The following SON variants were observed in gnomAD, a reference collection of about 807,000 sequenced individuals.
The protein encoded by SON is SON DNA and RNA binding protein.
A neutral mutation model predicts 173.3 loss-of-function variants in SON; 4 were observed. The ratio of observed to expected loss-of-function variants is 0.02; its 90% CI spans 0.01 to 0.05. The LOEUF (loss-of-function observed/expected upper bound fraction) is 0.05, where lower values mean the gene tolerates loss of function less well. Among genes scored for constraint, SON ranks in the 10% least tolerant of loss-of-function variants. The pLI is 1.00. For missense variants in SON, 2,626 were observed against 3,055.3 expected (o/e 0.86, Z 3.31); for synonymous variants, 1,190 against 1,105.9 (o/e 1.08, Z -1.51).
Position 33,550,465 on chromosome 21 carries a change from C to G in SON, c.1234C>G (p.Pro412Ala). ...GGAGTTACCTGGGCCCTCTGCTACCCCGGTGCCAGAGTTGCCAGGGCCCCT... is the reference window on the plus strand; with the variant it reads ...GGAGTTACCTGGGCCCTCTGCTACCGCGGTGCCAGAGTTGCCAGGGCCCCT... ...VLELPGPSAT[P>A]VPELPGPLST... The change falls in exon 3 of 12, where the codon CCG (proline) becomes GCG (alanine). Residue 412 changes from proline (P) to alanine (A), a missense_variant. Coordinates refer to ENST00000356577, the MANE Select transcript of SON (RefSeq NM_138927.4). The G allele has an allele frequency of 6.2e-7, 1 of 1,613,938 alleles. No individual in the cohort carries two copies. The highest frequency in any genetic ancestry group is 8.5e-7 in the Non-Finnish European group (1 of 1,179,984).
At chr21:33,543,413 A>T in intron 1 of SON, 1 of 561,080 alleles carries the variant, frequency 1.8e-6, no homozygotes, top group Non-Finnish European at 3.2e-6. Context: ...AACCGAGTTA[A>T]GATGTTCACC....
intron 6 of SON, chr21:33,560,628 C>T (rs937779084): frequency 1.5e-5 from 14 of 946,834 alleles, no homozygotes; most frequent in Non-Finnish European, 1.8e-5. Context: ...GTATCTGTAC[C>T]TTTGCTGTAT....
rs2086330592 is a variant in SON at position 33,573,418 on chromosome 21, G to A, written c.6996G>A (p.Lys2332=). Residue 2332 remains lysine, a synonymous_variant, in exon 9 of 12, where the codon AAG becomes AAA. Coordinates refer to ENST00000356577, the MANE Select transcript of SON (RefSeq NM_138927.4). ...EGLGKNKEGN[K]EPILVDFKTD... ...TAGGAAAAAACAAAGAAGGCAATAA[G>A]GAACCCATCCTAGTTGATTTTAAGA... The A allele has an allele frequency of 6.2e-7, 1 of 1,613,418 alleles. No individual in the cohort carries two copies.
intron 1 of SON, chr21:33,543,429 C>CAA (rs1190750281): frequency 1.9e-6 from 1 of 519,080 alleles, no homozygotes; most frequent in Admixed American, 3.3e-5. Context: ...TCACCCTTCT[C>CAA]CCCTGTTTGG....
rs1292937118 is a variant in SON, at chr21:33,551,216, C to T, written c.1985C>T (p.Ser662Leu). Reference protein sequence around the residue: ...EISVQSVVTTSELSTMTVSQS... With the variant: ...EISVQSVVTTLELSTMTVSQS... ...TCTGTTCAGTCTGTGGTGACAACATCGGAGCTGTCAACGATGACCGTGTCG... is the reference window on the plus strand; with the variant it reads ...TCTGTTCAGTCTGTGGTGACAACATTGGAGCTGTCAACGATGACCGTGTCG... Residue 662 changes from serine (S) to leucine (L), a missense_variant, in exon 3 of 12, where the codon TCG becomes TTG. Coordinates refer to ENST00000356577, the MANE Select transcript of SON (RefSeq NM_138927.4). 1.2e-6 allele frequency: 2 copies of T among 1,613,950 alleles called. No homozygotes were observed. Among genetic ancestry groups the T allele is most frequent in the Non-Finnish European group, 1.7e-6 (2 of 1,179,986 alleles).
Position 33,554,199 on chromosome 21 carries a change from A to G in SON, c.4968A>G (p.Glu1656=), listed in dbSNP as rs1460647839. 1 of 1,614,160 alleles carries G rather than the reference A, an allele frequency of 6.2e-7. No homozygotes were observed. Among genetic ancestry groups the G allele is most frequent in the East Asian group, 2.2e-5 (1 of 44,884 alleles). The part of the protein sequence containing the change: ...SPSGGSEADI[E]GPLPAKDIHL... ...GTGGTGGTAGTGAAGCTGACATTGA[A>G]GGGCCTTTGCCTGCTAAAGATATTC... Residue 1656 remains glutamate, a synonymous_variant, in exon 3 of 12, where the codon GAA becomes GAG. Coordinates refer to ENST00000356577, the MANE Select transcript of SON (RefSeq NM_138927.4).
At chr21:33,560,213 T>C (rs2086045457) in intron 6 of SON, 7 of 1,533,376 alleles carry the variant, frequency 4.6e-6, no homozygotes, top group Non-Finnish European at 8.7e-7. Context: ...AAGGTCATTG[T>C]AGGTTGATGT....
At position 33,551,647 on chromosome 21, in the gene SON, T is replaced by C. The variant is rs2085792022; in HGVS notation, c.2416T>C (p.Leu806=). The C allele has an allele frequency of 1.2e-6, 2 of 1,612,036 alleles. No individual in the cohort carries two copies. Among genetic ancestry groups the C allele is most frequent in the South Asian group, 2.2e-5 (2 of 90,944 alleles). The part of the protein sequence containing the change: ...LATSSMDSQM[L]ATSSMDSQML... ...AACCAGTTCCATGGACTCCCAGATG[T>C]TAGCAACCAGCTCCATGGACTCCCA... The change falls in exon 3 of 12, where the codon TTA becomes CTA. Residue 806 remains leucine, a synonymous_variant. Transcript: ENST00000356577.
In SON at chr21:33,550,554, C is replaced by G. The variant is rs755086749; in HGVS notation, c.1323C>G (p.Pro441=). 1.9e-6 allele frequency: 3 copies of G among 1,613,428 alleles called. No homozygotes were observed. The highest frequency in any genetic ancestry group is 4.5e-5 in the East Asian group (2 of 44,812). Residue 441 remains proline (P), a synonymous_variant, in exon 3 of 12, where the codon CCC becomes CCG. Coordinates refer to ENST00000356577, the MANE Select transcript of SON (RefSeq NM_138927.4). The part of the protein sequence containing the change: ...PATAVPELPG[P]SVTPVPQLSQ... ...CAGCAGTGCCTGAGTTGCCAGGGCC[C>G]TCTGTGACACCAGTGCCACAGTTGT... is the stretch of plus-strand genomic sequence containing the variant.
rs1271372597 is a variant in SON at position 33,554,273 on chromosome 21, A to G, written c.5042A>G (p.Glu1681Gly). 1 of 1,614,050 alleles carries G rather than the reference A, an allele frequency of 6.2e-7. No homozygotes were observed. The highest frequency in any genetic ancestry group is 1.3e-5 in the African/African-American group (1 of 74,928). Residue 1681 changes from glutamate to glycine, a missense_variant, in exon 3 of 12, where the codon GAA (glutamate) becomes GGA (glycine). Physicochemically the swap from Glu to Gly is moderately conservative, Grantham distance 98. This residue lies in a region of SON where 1,006 missense variants were observed against 895.6 expected (regional missense o/e 1.12). Transcript: ENST00000356577. ...NNNLVSKDTE[E>G]PLPVKESDQT... is the part of the protein sequence containing the mutation. ...AACCTTGTTAGTAAGGATACAGAAG[A>G]ACCATTACCTGTAAAAGAGAGTGAC...
rs752794434 is a variant in SON, at chr21:33,555,195, TAGCCGTCGGAGCCGCACCCCA to T, written c.5970_5990del (p.Ser1992_Arg1998del). On this transcript the variant is annotated inframe_deletion, in exon 3 of 12. Transcript: ENST00000356577. ...CCCCCAGCCGCCGGAGCCGCACCCC[TAGCCGTCGGAGCCGCACCCCA>T]AGCCGCCGGAGAAGATCAAGGTCTG... 4.0e-6 allele frequency: 6 copies of T among 1,505,140 alleles called. No homozygotes were observed. Among genetic ancestry groups the T allele is most frequent in the African/African-American group, 3.2e-5 (2 of 62,730 alleles). The allele number at this position is 1,505,140 out of a possible 1,614,324, so 93.2% of individuals were successfully genotyped here. A position where few individuals can be genotyped will look rare whatever the true frequency, so the allele number is the denominator to read the frequency against.
At chr21:33,566,363 C>T (rs1016065573) in intron 6 of SON, among the ~76,000 whole-genome samples, 1 of 151,806 alleles carries the variant, frequency 6.6e-6, no homozygotes, top group Non-Finnish European at 1.5e-5. Context: ...GTGGTTAAAC[C>T]TTCCACAAAT....
intron 8 of SON, among the ~76,000 whole-genome samples, chr21:33,571,382 T>C (rs759502953): frequency 7.2e-5 from 11 of 152,198 alleles, no homozygotes; most frequent in Non-Finnish European, 1.6e-4. Flanking sequence ...TCATTTTGGC[T>C]CTTCTTTAGT....
intron 6 of SON, among the ~76,000 whole-genome samples, chr21:33,565,599 T>C (rs2086153413): frequency 6.6e-6 from 1 of 152,210 alleles, no homozygotes; most frequent in Non-Finnish European, 1.5e-5. Flanking sequence ...TTCTTAGTGT[T>C]TCAATCTCAC....
intron 6 of SON, chr21:33,560,412 A>G: frequency 1.7e-5 from 19 of 1,114,426 alleles, no homozygotes; most frequent in Non-Finnish European, 2.1e-5. Context: ...CCTCTTTGCT[A>G]CTATTAAAAG....
rs759315822 is a variant in SON, at chr21:33,550,905, G to A, written c.1674G>A (p.Leu558=). 3 of 1,609,804 alleles carry A rather than the reference G, an allele frequency of 1.9e-6. No homozygotes were observed. In the South Asian group the frequency reaches 3.3e-5, roughly 18 times the overall value. ...LPGQPVATTA[L]ELPGQPSVTG... ...GACAGCCAGTGGCAACGACAGCGCT[G>A]GAGTTGCCGGGGCAGCCTTCGGTGA... The change falls in exon 3 of 12, where the codon CTG becomes CTA. Residue 558 remains leucine (L), a synonymous_variant. Coordinates refer to ENST00000356577, the MANE Select transcript of SON (RefSeq NM_138927.4).
rs764778913 is a variant in SON at position 33,552,214 on chromosome 21, T to C, written c.2983T>C (p.Ser995Pro). ...RLAPRPLMLASRRSMMMSYAA... is the reference protein window; with the variant it reads ...RLAPRPLMLAPRRSMMMSYAA... The stretch of plus-strand genomic sequence containing the variant: ...AGCACCTAGACCCCTGATGTTAGCA[T>C]CTAGACGTTCTATGATGATGTCCTA... Residue 995 changes from serine to proline, a missense_variant, in exon 3 of 12, where the codon TCT (serine) becomes CCT (proline). By Grantham distance (74) the Ser-to-Pro change is moderately conservative. Transcript: ENST00000356577. This position sits in a 1 kb window ranked among gnomAD's most constrained non-coding sequence, Gnocchi z 5.6. The C allele has an allele frequency of 6.2e-7, 1 of 1,614,190 alleles. No individual in the cohort carries two copies. Among genetic ancestry groups the C allele is most frequent in the African/African-American group, 1.3e-5 (1 of 75,038 alleles).
At chr21:33,569,757 G>C (rs918248312) in intron 8 of SON, 2 of 317,310 alleles carry the variant, frequency 6.3e-6, no homozygotes, top group African/African-American at 2.3e-5. Context: ...TGGCTGGAGT[G>C]GGGTGGGCTG....
rs1446850045 is a variant in SON, at chr21:33,553,825, A to G, written c.4594A>G (p.Ile1532Val). ...DFYESEHGIN[I>V]DLNINNHLIA... ...TTACGAAAGTGAACATGGTATAAATATAGACCTTAATATAAATAATCATTT... is the reference window on the plus strand; with the variant it reads ...TTACGAAAGTGAACATGGTATAAATGTAGACCTTAATATAAATAATCATTT... The change falls in exon 3 of 12, where the codon ATA (isoleucine) becomes GTA (valine). Residue 1532 changes from isoleucine to valine, a missense_variant. By Grantham distance (29) the Ile-to-Val change is conservative. This residue lies in a region of SON where 1,006 missense variants were observed against 895.6 expected (regional missense o/e 1.12). Coordinates refer to ENST00000356577, the MANE Select transcript of SON (RefSeq NM_138927.4). The G allele has an allele frequency of 1.9e-6, 3 of 1,613,966 alleles. No individual in the cohort carries two copies. Among genetic ancestry groups the G allele is most frequent in the Non-Finnish European group, 2.5e-6 (3 of 1,179,866 alleles).
Sources: gnomAD v4.1 joint callset for allele counts (sites outside exome capture counted in the v4.1 genomes callset) on GRCh38, gnomAD v4.1.1 for gene constraint, gnomAD v4.1.1 regional missense constraint, Gnocchi (gnomAD v3.1) non-coding constraint, MANE v1.5 for transcripts, NCBI Gene and HGNC (gene_info 2026-07-23, HGNC 2026-07-21) for gene names.